AFF3: variants seen among roughly 807,000 people sequenced by gnomAD.
AFF3 encodes AF4/FMR2 family member 3.
A neutral mutation model predicts 129.7 loss-of-function variants in AFF3; 32 were observed. The observed-to-expected ratio is 0.25, with a 90% confidence interval of 0.19 to 0.33. AFF3 has a LOEUF of 0.33. AFF3 is among the 10% of genes least tolerant of loss of function. AFF3 has a pLI of 1.00. For missense variants in AFF3, 1,373 were observed against 1,592.0 expected (o/e 0.86, Z 2.34); for synonymous variants, 644 against 635.4 (o/e 1.01, Z -0.20).
chr2:99,837,440 C>T, intron 8 of AFF3, 37 bp downstream of exon 8: 2 of 1,592,492 alleles, frequency 1.3e-6, no homozygotes, highest in Non-Finnish European at 1.7e-6. Context: ...AGTCTATGTC[C>T]CACAGATTGA....
chr2:99,582,714 C>CA, intron 17 of AFF3, 84 bp downstream of exon 17: 2 of 1,459,790 alleles, frequency 1.4e-6, no homozygotes, highest in Non-Finnish European at 1.9e-6. Flanking sequence ...AGCATGTGTT[C>CA]AGACTGTGCT....
intron 8 of AFF3, among the ~76,000 whole-genome samples, chr2:99,788,069 G>T (rs1022249632): frequency 3.3e-5 from 5 of 152,178 alleles, no homozygotes; most frequent in African/African-American, 1.2e-4. Flanking sequence ...TTGTGGTGAT[G>T]CTGGCGTAAA....
At chr2:99,894,694 C>T (rs1270548095) in intron 7 of AFF3, among the ~76,000 whole-genome samples, 2 of 151,728 alleles carry the variant, frequency 1.3e-5, no homozygotes, top group African/African-American at 4.8e-5. Context: ...CCAGGATGGT[C>T]TCGATCTCCT....
chr2:99,643,218 C>G (rs1285795379), intron 13 of AFF3, among the ~76,000 whole-genome samples: 1 of 151,792 alleles, frequency 6.6e-6, no homozygotes, highest in South Asian at 2.1e-4. Context: ...CGCCACCACG[C>G]CCAGCTAATT....
rs565666725 is a variant in AFF3 at position 99,602,222 on chromosome 2, A to G, written c.1185-601T>C. Among the ~76,000 whole-genome samples, 8 of 152,270 alleles carry G rather than the reference A, an allele frequency of 5.3e-5. No individual in the cohort carries two copies. The East Asian group carries it at 1.5e-3, about 29-fold the overall frequency. On this transcript the variant is annotated intron_variant, in intron 13 of 24. Coordinates refer to ENST00000672756, the MANE Select transcript of AFF3 (RefSeq NM_001386135.1). ...CCACCTGTAGTTGAGTGCTGTAGCG[A>G]TTACAGGTGCTGGGATGTTGTTATA...
At chr2:99,854,423 C>T (rs994730057) in intron 7 of AFF3, among the ~76,000 whole-genome samples, 8 of 152,128 alleles carry the variant, frequency 5.3e-5, no homozygotes, top group Non-Finnish European at 1.2e-4. Context: ...TTAGCAATCT[C>T]GTCTGTCTTT....
intron 4 of AFF3, among the ~76,000 whole-genome samples, chr2:100,083,674 C>G (rs1689199241): frequency 6.6e-6 from 1 of 152,168 alleles, no homozygotes; most frequent in Non-Finnish European, 1.5e-5. Context: ...CTTTGGGAGT[C>G]TGATGAAAGC....
At position 99,555,969 on chromosome 2, in the gene AFF3, C is replaced by T. The variant is rs564541143; in HGVS notation, c.3286-1237G>A. Among the ~76,000 whole-genome samples the T allele has an allele frequency of 3.6e-4, 55 of 152,318 alleles. No individual in the cohort carries two copies. The East Asian group carries it at 8.9e-3, about 25-fold the overall frequency. On this transcript the variant is annotated intron_variant, in intron 22 of 24. Coordinates refer to ENST00000672756, the MANE Select transcript of AFF3 (RefSeq NM_001386135.1). ...TCCTGAACAGGGGAGCTTATCCTCCCTTTCTTGACACAATGTTACTGACAC... is the reference window on the plus strand; with the variant it reads ...TCCTGAACAGGGGAGCTTATCCTCCTTTTCTTGACACAATGTTACTGACAC...
intron 7 of AFF3, among the ~76,000 whole-genome samples, chr2:99,928,717 T>C (rs1210136572): frequency 1.3e-5 from 2 of 152,188 alleles, no homozygotes; most frequent in Non-Finnish European, 2.9e-5. Context: ...AGATGCAGCC[T>C]CCGGAGGCCG....
chr2:99,937,922 T>C (rs911046817), intron 7 of AFF3, among the ~76,000 whole-genome samples: 34 of 152,160 alleles, frequency 2.2e-4, no homozygotes, highest in African/African-American at 8.2e-4. Context: ...CAGAGTCACC[T>C]ATTCTTTAAT....
At chr2:99,765,345 C>G (rs544271083) in intron 8 of AFF3, among the ~76,000 whole-genome samples, 22 of 152,270 alleles carry the variant, frequency 1.4e-4, no homozygotes, top group South Asian at 6.2e-4. Context: ...TCCACACAAC[C>G]CATTCCTGAA....
chr2:99,976,444 T>C (rs1161633809), intron 7 of AFF3, among the ~76,000 whole-genome samples: 1 of 152,138 alleles, frequency 6.6e-6, no homozygotes, highest in African/African-American at 2.4e-5. Flanking sequence ...GGAAAAAGGT[T>C]CGTAGCATTT....
intron 8 of AFF3, among the ~76,000 whole-genome samples, chr2:99,805,196 T>C (rs1223596998): frequency 6.6e-6 from 1 of 152,278 alleles, no homozygotes; most frequent in East Asian, 1.9e-4. Context: ...ATCCAGGAAA[T>C]GGTATATCTG....
At position 100,064,548 on chromosome 2, in the gene AFF3, T is replaced by C. The variant is rs574501804; in HGVS notation, c.53+39854A>G. Among the ~76,000 whole-genome samples, 261 of 152,346 alleles carry C rather than the reference T, an allele frequency of 1.7e-3. 1 individual carries two copies. The highest frequency in any genetic ancestry group is 3.1e-3 in the Non-Finnish European group (212 of 68,032). On this transcript the variant is annotated intron_variant, in intron 4 of 24. Transcript: ENST00000672756. Reference sequence around the variant, plus strand: ...TTTTCAACTTAACACAACTGTCCAATGTAGGAAGAAAGAGAGACATGTGAG... The same window carrying C: ...TTTTCAACTTAACACAACTGTCCAACGTAGGAAGAAAGAGAGACATGTGAG...
At chr2:99,914,234 T>C (rs1164572790) in intron 7 of AFF3, among the ~76,000 whole-genome samples, 1 of 152,152 alleles carries the variant, frequency 6.6e-6, no homozygotes, top group Non-Finnish European at 1.5e-5. Context: ...CCAGCATCTC[T>C]CCTGGGTATT....
chr2:100,044,058 G>C (rs1399510806), intron 4 of AFF3, among the ~76,000 whole-genome samples: 2 of 152,272 alleles, frequency 1.3e-5, no homozygotes, highest in South Asian at 2.1e-4. Context: ...AGCTCACCGC[G>C]GCAGTTTCCT....
intron 4 of AFF3, among the ~76,000 whole-genome samples, chr2:100,037,464 AT>A (rs1219698929): frequency 8.8e-6 from 1 of 113,178 alleles, no homozygotes; most frequent in Non-Finnish European, 1.7e-5. Flanking sequence ...TTATATATAA[AT>A]ATATATTTAT....
At chr2:99,749,495 CA>C (rs2105183523) in intron 9 of AFF3, among the ~76,000 whole-genome samples, 1 of 152,350 alleles carries the variant, frequency 6.6e-6, no homozygotes, top group Admixed American at 6.5e-5. Context: ...GATACCTACA[CA>C]TAACAAAAAT....
chr2:100,000,379 G>C (rs553406107), intron 7 of AFF3, among the ~76,000 whole-genome samples: 8 of 152,100 alleles, frequency 5.3e-5, no homozygotes, highest in Non-Finnish European at 8.8e-5. Context: ...GAGGGGGCTA[G>C]CATCAAATAA....
Sources: gnomAD v4.1 joint callset for allele counts (sites outside exome capture counted in the v4.1 genomes callset) on GRCh38, gnomAD v4.1.1 for gene constraint, MANE v1.5 for transcripts, NCBI Gene and HGNC (gene_info 2026-07-23, HGNC 2026-07-21) for gene names.